Variants in FMNL2 observed in about 807,000 individuals in gnomAD.
FMNL2 encodes formin-like protein 2.
A neutral mutation model predicts 130.2 loss-of-function variants in FMNL2; 51 were observed. That is an observed-to-expected ratio of 0.39 (90% CI 0.31 to 0.49). FMNL2 has a LOEUF of 0.49. Among genes scored for constraint, FMNL2 ranks in the 20% least tolerant of loss-of-function variants. FMNL2 has a pLI of 0.85. For synonymous variants in FMNL2, 465 were observed against 467.1 expected (o/e 1.00, Z 0.06); for missense variants, 977 against 1,316.2 (o/e 0.74, Z 3.99).
rs1297594669 is a variant in FMNL2, at chr2:152,648,823, A to C, written c.*918A>C. The C allele has an allele frequency of 6.6e-6, 1 of 152,622 alleles. No individual in the cohort carries two copies. Among genetic ancestry groups the C allele is most frequent in the Non-Finnish European group, 1.5e-5 (1 of 68,030 alleles). 9.5% of individuals were successfully genotyped at this position (152,622 alleles called of 1,614,324 possible). The stretch of plus-strand genomic sequence containing the variant: ...ATTTTTTCTTATTTTTTATAAATTC[A>C]AGAAGATACACTTGGCATCGTGTAT... On this transcript the variant is annotated 3_prime_UTR_variant, in exon 26 of 26. Transcript: ENST00000288670.
Position 152,603,723 on chromosome 2 carries a change from G to A in FMNL2, c.877-3616G>A, listed in dbSNP as rs968426529. Among the ~76,000 whole-genome samples the A allele has an allele frequency of 3.3e-5, 5 of 150,924 alleles. 1 individual carries two copies. Among genetic ancestry groups the A allele is most frequent in the Non-Finnish European group, 5.9e-5 (4 of 67,760 alleles). Reference sequence around the variant, plus strand: ...TTCTAAGACCCAACATGCACCCCTTGATTATTTTTGGGTTACCTTATTATT... The same window carrying A: ...TTCTAAGACCCAACATGCACCCCTTAATTATTTTTGGGTTACCTTATTATT... On this transcript the variant is annotated intron_variant, in intron 9 of 25. Coordinates refer to ENST00000288670, the MANE Select transcript of FMNL2 (RefSeq NM_052905.4).
intron 5 of FMNL2, among the ~76,000 whole-genome samples, chr2:152,559,311 A>G (rs1695399056): frequency 6.6e-6 from 1 of 152,066 alleles, no homozygotes; most frequent in South Asian, 2.1e-4. Flanking sequence ...CTTGATATGC[A>G]TTTGTATTGT....
chr2:152,412,445 T>C (rs1686340586), intron 1 of FMNL2, among the ~76,000 whole-genome samples: 1 of 69,126 alleles, frequency 1.4e-5, no homozygotes, highest in African/African-American at 6.3e-5. Context: ...TTCTGTATAT[T>C]TTATATATAT....
At chr2:152,558,647 TG>T in intron 4 of FMNL2, 92 bp from the exon 5 acceptor site, 1 of 1,143,700 alleles carries the variant, frequency 8.7e-7, no homozygotes, top group Non-Finnish European at 1.3e-6. Context: ...TGAAAGTTTC[TG>T]GTGGAAAAAA....
intron 1 of FMNL2, among the ~76,000 whole-genome samples, chr2:152,360,666 G>A (rs1022801188): frequency 1.3e-5 from 2 of 152,040 alleles, no homozygotes; most frequent in African/African-American, 4.8e-5. Context: ...TATAAGTTCT[G>A]TATATTCAAA....
At chr2:152,384,380 A>G (rs1684666443) in intron 1 of FMNL2, among the ~76,000 whole-genome samples, 2 of 152,066 alleles carry the variant, frequency 1.3e-5, no homozygotes, top group Non-Finnish European at 2.9e-5. Flanking sequence ...GAAGTTTGGG[A>G]TGTTGAGGTA....
intron 2 of FMNL2, among the ~76,000 whole-genome samples, chr2:152,525,959 T>C (rs1693364909): frequency 6.6e-6 from 1 of 152,220 alleles, no homozygotes; most frequent in South Asian, 2.1e-4. Context: ...TCAAATACTA[T>C]TTCTTTAAAA....
intron 1 of FMNL2, among the ~76,000 whole-genome samples, chr2:152,474,695 C>CA (rs1252746260): frequency 6.6e-6 from 1 of 151,452 alleles, no homozygotes; most frequent in Non-Finnish European, 1.5e-5. Context: ...AAAAAAAAAA[C>CA]AAAAAACAAA....
At chr2:152,527,242 A>G (rs1312565567) in intron 2 of FMNL2, among the ~76,000 whole-genome samples, 1 of 152,170 alleles carries the variant, frequency 6.6e-6, no homozygotes, top group Non-Finnish European at 1.5e-5. Flanking sequence ...ATCATAGAAA[A>G]ATAATGTCTG....
intron 12 of FMNL2, among the ~76,000 whole-genome samples, chr2:152,616,228 C>T (rs182704564): frequency 6.6e-6 from 1 of 152,096 alleles, no homozygotes; most frequent in African/African-American, 2.4e-5. Context: ...AAGCCTCAGC[C>T]AACATTGCAT....
chr2:152,346,800 C>T (rs930683865), intron 1 of FMNL2, among the ~76,000 whole-genome samples: 8 of 152,100 alleles, frequency 5.3e-5, no homozygotes, highest in African/African-American at 1.7e-4. Context: ...TGGCCAGGCA[C>T]GGTGGCTCAG....
At chr2:152,537,183 T>C (rs1694037268) in intron 2 of FMNL2, among the ~76,000 whole-genome samples, 1 of 152,206 alleles carries the variant, frequency 6.6e-6, no homozygotes, top group Admixed American at 6.5e-5. Flanking sequence ...GCTGATGAAT[T>C]CTGTTTGCTG....
At position 152,549,174 on chromosome 2, in the gene FMNL2, TTGAGCTTCCTTA is replaced by T. The variant is rs1484286159; in HGVS notation, c.359+80_359+91del. On this transcript the variant is annotated intron_variant, in intron 4 of 25. Transcript: ENST00000288670. ...AAGTAACTGAATCATACCCAAAGAA[TTGAGCTTCCTTA>T]TGGGCCATTATAAATTAAAAGACTG... The T allele has an allele frequency of 6.1e-6, 6 of 991,334 alleles. No homozygotes were observed. In the East Asian group the frequency reaches 1.7e-4, roughly 28 times the overall value. 61.4% of individuals were successfully genotyped at this position (991,334 alleles called of 1,614,324 possible). A position where few individuals can be genotyped will look rare whatever the true frequency, so the allele number is the denominator to read the frequency against.
chr2:152,440,796 A>G (rs1688010981), intron 1 of FMNL2, among the ~76,000 whole-genome samples: 1 of 152,218 alleles, frequency 6.6e-6, no homozygotes, highest in South Asian at 2.1e-4. Flanking sequence ...TAATCTTTTC[A>G]CATCAAAATG....
chr2:152,347,792 T>C (rs538514084), intron 1 of FMNL2, among the ~76,000 whole-genome samples: 9 of 152,210 alleles, frequency 5.9e-5, no homozygotes, highest in Non-Finnish European at 1.0e-4. Flanking sequence ...GAGGGGCTCA[T>C]GGCCACGTTT....
intron 9 of FMNL2, among the ~76,000 whole-genome samples, chr2:152,593,078 A>C (rs1356940582): frequency 6.6e-6 from 1 of 152,192 alleles, no homozygotes; most frequent in Non-Finnish European, 1.5e-5. Context: ...AGAGATTGGC[A>C]TGAAATCTGT....
chr2:152,545,576 T>C (rs879908079), intron 3 of FMNL2, among the ~76,000 whole-genome samples: 10 of 152,152 alleles, frequency 6.6e-5, no homozygotes, highest in Admixed American at 3.9e-4. Context: ...GATTAGTCTG[T>C]GTTTAAAGGA....
chr2:152,462,807 T>G (rs1224419941), intron 1 of FMNL2, among the ~76,000 whole-genome samples: 1 of 152,122 alleles, frequency 6.6e-6, no homozygotes, highest in Admixed American at 6.5e-5. Flanking sequence ...GTCTTAAACC[T>G]GGATCTCATG....
chr2:152,596,384 G>A (rs1697775892), intron 9 of FMNL2, among the ~76,000 whole-genome samples: 1 of 152,040 alleles, frequency 6.6e-6, no homozygotes, highest in Non-Finnish European at 1.5e-5. Context: ...TTCTTTGTAT[G>A]GTATGGTTGA....
Sources: gnomAD v4.1 joint callset for allele counts (sites outside exome capture counted in the v4.1 genomes callset) on GRCh38, gnomAD v4.1.1 for gene constraint, MANE v1.5 for transcripts, NCBI Gene and HGNC (gene_info 2026-07-23, HGNC 2026-07-21) for gene names.